Variants in NFATC1 observed in about 807,000 individuals in gnomAD.
The protein encoded by NFATC1 is nuclear factor of activated T cells 1.
Under a neutral mutation model 76.0 loss-of-function variants are expected in NFATC1, and 22 were observed. The observed-to-expected ratio is 0.29, with a 90% confidence interval of 0.21 to 0.41. NFATC1 has a LOEUF of 0.41. Among genes scored for constraint, NFATC1 ranks in the 10% least tolerant of loss-of-function variants. The pLI, the probability that NFATC1 is intolerant of heterozygous loss-of-function variation, is 1.00. For missense variants in NFATC1, 1,357 were observed against 1,337.7 expected (o/e 1.01, Z -0.23); for synonymous variants, 704 against 613.1 (o/e 1.15, Z -2.19).
At chr18:79,520,479 C>T (rs1037543464) in intron 9 of NFATC1, among the ~76,000 whole-genome samples, 1 of 151,576 alleles carries the variant, frequency 6.6e-6, no homozygotes, top group African/African-American at 2.4e-5. Flanking sequence ...AAGCTAGTAC[C>T]GGAGAAATGA....
chr18:79,491,029 G>A (rs772349951), intron 9 of NFATC1, among the ~76,000 whole-genome samples: 3 of 152,148 alleles, frequency 2.0e-5, no homozygotes, highest in African/African-American at 4.8e-5. Flanking sequence ...TGGGGACAGC[G>A]GGAGAGGGAG....
chr18:79,427,894 G>GCTGGCCTCTGTGCGGTGGGT (rs1414654859), intron 2 of NFATC1, among the ~76,000 whole-genome samples: 2 of 26,238 alleles, frequency 7.6e-5, no homozygotes, highest in African/African-American at 3.0e-4. Flanking sequence ...CAGTGAGTCG[G>GCTGGCCTCTGTGCGGTGGGT]GGAGGGGGGT....
chr18:79,472,551 T>C (rs1163152581), intron 8 of NFATC1, among the ~76,000 whole-genome samples: 2 of 152,236 alleles, frequency 1.3e-5, no homozygotes, highest in Non-Finnish European at 2.9e-5. Flanking sequence ...TCTCTGCAGA[T>C]GCTCAGCGGC....
chr18:79,516,014 G>A (rs1031068979), intron 9 of NFATC1: 1 of 147,390 alleles, frequency 6.8e-6, no homozygotes, highest in Non-Finnish European at 1.5e-5. Flanking sequence ...TCGGTGGGGG[G>A]CGGAAGGACA....
At chr18:79,486,020 G>T (rs542124134) in intron 8 of NFATC1, among the ~76,000 whole-genome samples, 2 of 152,256 alleles carry the variant, frequency 1.3e-5, no homozygotes, top group African/African-American at 4.8e-5. Flanking sequence ...CGTTAGTGCT[G>T]CAGGAGGTTC....
intron 2 of NFATC1, among the ~76,000 whole-genome samples, chr18:79,433,034 A>G (rs1245198871): frequency 1.3e-5 from 2 of 152,070 alleles, no homozygotes; most frequent in Admixed American, 6.5e-5. Flanking sequence ...ACCGCCCTCC[A>G]TGGACGCCGT....
At chr18:79,443,160 A>G (rs2087051615) in intron 3 of NFATC1, among the ~76,000 whole-genome samples, 1 of 152,196 alleles carries the variant, frequency 6.6e-6, no homozygotes, top group Non-Finnish European at 1.5e-5. Context: ...TTATCTGTGG[A>G]TCTGAACACG....
intron 1 of NFATC1, among the ~76,000 whole-genome samples, chr18:79,403,134 G>A (rs906734179): frequency 1.3e-5 from 2 of 152,262 alleles, no homozygotes; most frequent in African/African-American, 4.8e-5. Context: ...CAGGGTGGCT[G>A]ACTGTGGCCA....
chr18:79,519,314 C>T (rs1248213188), intron 9 of NFATC1, among the ~76,000 whole-genome samples: 4 of 152,156 alleles, frequency 2.6e-5, no homozygotes, highest in Non-Finnish European at 5.9e-5. Context: ...AACAGGAGAT[C>T]AGGCTATTTA....
intron 6 of NFATC1, among the ~76,000 whole-genome samples, chr18:79,453,706 G>A (rs1568980994): frequency 6.6e-6 from 1 of 152,262 alleles, no homozygotes; most frequent in Non-Finnish European, 1.5e-5. Flanking sequence ...AGCCATAAAT[G>A]AATAGGTGCT....
At chr18:79,399,742 G>T (rs892197540) in intron 1 of NFATC1, among the ~76,000 whole-genome samples, 1 of 152,046 alleles carries the variant, frequency 6.6e-6, no homozygotes, top group Non-Finnish European at 1.5e-5. Context: ...AGGAGAGGCC[G>T]GTGGGTGCCG....
At chr18:79,466,384 G>A (rs58786893) in intron 7 of NFATC1, among the ~76,000 whole-genome samples, 9,538 of 152,246 alleles carry the variant, frequency 0.063, 984 homozygotes, top group African/African-American at 0.22. Flanking sequence ...CCTCTCCCCA[G>A]ATACCAAGTG....
chr18:79,467,565 C>T lies in NFATC1; in HGVS notation c.2075C>T (p.Thr692Ile). Residue 692 changes from threonine (T) to isoleucine (I), a missense_variant, in exon 8 of 10, where the codon ACC becomes ATC. By Grantham distance (89) the Thr-to-Ile change is moderately conservative. Around this residue, in one of 3 missense-constraint regions of NFATC1, gnomAD observed 424 missense variants for 395.4 expected, o/e 1.07. Coordinates refer to ENST00000427363, the MANE Select transcript of NFATC1 (RefSeq NM_001278669.2). Reference protein sequence around the residue: ...KRKRSQYQRFTYLPANVPIIK... With the variant: ...KRKRSQYQRFIYLPANVPIIK... ...AAGCGAAGCCAGTACCAGCGTTTCACCTACCTTCCCGCCAACGGTAACGCC... is the reference window on the plus strand; with the variant it reads ...AAGCGAAGCCAGTACCAGCGTTTCATCTACCTTCCCGCCAACGGTAACGCC... 1 of 1,613,998 alleles carries T rather than the reference C, an allele frequency of 6.2e-7. No homozygotes were observed. The highest frequency in any genetic ancestry group is 8.5e-7 in the Non-Finnish European group (1 of 1,179,958).
chr18:79,474,088 ACT>A (rs2088916914), intron 8 of NFATC1, among the ~76,000 whole-genome samples: 1 of 139,574 alleles, frequency 7.2e-6, no homozygotes, highest in African/African-American at 2.8e-5. Context: ...TCTCACGCTC[ACT>A]GTCGACGTTG....
At chr18:79,449,031 G>T in intron 4 of NFATC1, 47 bp downstream of exon 4, 1 of 1,588,934 alleles carries the variant, frequency 6.3e-7, no homozygotes. Flanking sequence ...CGGTAGGAGG[G>T]GGCGTGCCTC....
intron 9 of NFATC1, among the ~76,000 whole-genome samples, chr18:79,511,136 G>A (rs1474698257): frequency 2.0e-5 from 3 of 152,334 alleles, no homozygotes; most frequent in African/African-American, 4.8e-5. Flanking sequence ...CCTTCCTGCC[G>A]CACCGCTCCG....
chr18:79,426,146 G>A (rs1006398556), intron 2 of NFATC1, among the ~76,000 whole-genome samples: 3 of 152,182 alleles, frequency 2.0e-5, no homozygotes, highest in Non-Finnish European at 2.9e-5. Flanking sequence ...CTGCACTCTA[G>A]CCTGGGTGAC....
chr18:79,476,555 G>A (rs909180504), intron 8 of NFATC1, among the ~76,000 whole-genome samples: 50 of 152,296 alleles, frequency 3.3e-4, no homozygotes, highest in African/African-American at 1.0e-3. Context: ...TCCTGGCCCC[G>A]TCGCTGCCAC....
At chr18:79,430,106 A>C (rs1372578932) in intron 2 of NFATC1, among the ~76,000 whole-genome samples, 1 of 152,252 alleles carries the variant, frequency 6.6e-6, no homozygotes, top group Non-Finnish European at 1.5e-5. Context: ...CCACGACGAC[A>C]AAATGGCCTA....
Sources: gnomAD v4.1 joint callset for allele counts (sites outside exome capture counted in the v4.1 genomes callset) on GRCh38, gnomAD v4.1.1 for gene constraint, gnomAD v4.1.1 regional missense constraint, MANE v1.5 for transcripts, NCBI Gene and HGNC (gene_info 2026-07-23, HGNC 2026-07-21) for gene names.